Variants in CAMTA1 observed in about 807,000 individuals in gnomAD.
CAMTA1 encodes calmodulin binding transcription activator 1, also known as calmodulin-binding transcription activator 1.
In CAMTA1, 27 loss-of-function variants were observed where a neutral mutation model predicts 170.9. The ratio of observed to expected loss-of-function variants is 0.16; its 90% CI spans 0.12 to 0.22. The LOEUF is 0.22. Among genes scored for constraint, CAMTA1 ranks in the 10% least tolerant of loss-of-function variants. CAMTA1 has a pLI of 1.00. For synonymous variants in CAMTA1, 833 were observed against 891.5 expected, an observed-to-expected ratio of 0.93 and a Z score of 1.17; for missense variants, 1,619 against 2,217.2, an observed-to-expected ratio of 0.73 and a Z score of 5.42.
chr1:7,108,326 G>A (rs1224245141), intron 4 of CAMTA1, among the ~76,000 whole-genome samples: 16 of 152,156 alleles, frequency 1.1e-4, no homozygotes, highest in Non-Finnish European at 2.9e-5. Flanking sequence ...ATTGTTGTGA[G>A]GAGTACATGA....
intron 7 of CAMTA1, among the ~76,000 whole-genome samples, chr1:7,660,783 C>T (rs944017374): frequency 2.0e-5 from 3 of 152,212 alleles, no homozygotes; most frequent in East Asian, 3.9e-4. Context: ...ACCCTGTGCC[C>T]GGCTCCTCCG....
chr1:7,654,967 CCT>C (rs1469151864), intron 7 of CAMTA1, among the ~76,000 whole-genome samples: 1 of 149,806 alleles, frequency 6.7e-6, no homozygotes, highest in African/African-American at 2.5e-5. Context: ...AACACACCCA[CCT>C]ATACACACAC....
chr1:6,825,423 G>A (rs1282582304), intron 3 of CAMTA1, among the ~76,000 whole-genome samples: 1 of 152,146 alleles, frequency 6.6e-6, no homozygotes, highest in Admixed American at 6.5e-5. Flanking sequence ...GATACACAAT[G>A]TGCACGTTGA....
At chr1:6,999,292 T>G (rs1222060675) in intron 3 of CAMTA1, among the ~76,000 whole-genome samples, 2 of 152,208 alleles carry the variant, frequency 1.3e-5, no homozygotes, top group East Asian at 1.9e-4. Flanking sequence ...ACTGGGTAAT[T>G]TATAAAGAAA....
At chr1:6,877,209 G>A (rs1463101702) in intron 3 of CAMTA1, among the ~76,000 whole-genome samples, 1 of 152,194 alleles carries the variant, frequency 6.6e-6, no homozygotes, top group Non-Finnish European at 1.5e-5. Flanking sequence ...CCCCTCCCAT[G>A]GAAACAAATG....
At chr1:7,238,191 A>G (rs1664242774) in intron 4 of CAMTA1, among the ~76,000 whole-genome samples, 1 of 149,318 alleles carries the variant, frequency 6.7e-6, no homozygotes, top group South Asian at 2.1e-4. Context: ...ACATTTTGCT[A>G]TGGAAATACT....
At chr1:7,498,191 AGT>A (rs1553182530) in intron 6 of CAMTA1, among the ~76,000 whole-genome samples, 67 of 148,620 alleles carry the variant, frequency 4.5e-4, no homozygotes, top group East Asian at 1.0e-3. Context: ...TATGAGAGTG[AGT>A]GTGTGTGTGT....
At chr1:6,872,970 T>A (rs1243737157) in intron 3 of CAMTA1, among the ~76,000 whole-genome samples, 1 of 152,212 alleles carries the variant, frequency 6.6e-6, no homozygotes, top group African/African-American at 2.4e-5. Flanking sequence ...TGTCATTCAT[T>A]AGAACCACAA....
intron 5 of CAMTA1, among the ~76,000 whole-genome samples, chr1:7,404,634 G>A (rs747077980): frequency 9.9e-5 from 15 of 152,264 alleles, no homozygotes; most frequent in African/African-American, 2.4e-4. Flanking sequence ...GCAGGCCCAC[G>A]TCCGTCCCCT....
Position 7,325,400 on chromosome 1 carries a change from G to A in CAMTA1, c.438+75774G>A, listed in dbSNP as rs1574690552. Among the ~76,000 whole-genome samples the A allele has an allele frequency of 1.3e-5, 2 of 152,156 alleles. No individual in the cohort carries two copies. Among genetic ancestry groups the A allele is most frequent in the South Asian group, 4.2e-4 (2 of 4,816 alleles). On this transcript the variant is annotated intron_variant, in intron 5 of 22. Coordinates refer to ENST00000303635, the MANE Select transcript of CAMTA1 (RefSeq NM_015215.4). This position sits in a 1 kb window ranked among gnomAD's most constrained non-coding sequence, Gnocchi z 5.0. Reference sequence around the variant, plus strand: ...GGAAGAAGCCATGTCTGCCTGGGAGGGGAAACACTGAGGTGGAGGGACAGC... The same window carrying A: ...GGAAGAAGCCATGTCTGCCTGGGAGAGGAAACACTGAGGTGGAGGGACAGC...
chr1:6,825,282 T>A, intron 3 of CAMTA1, 72 bp downstream of exon 3: 4 of 696,566 alleles, frequency 5.7e-6, no homozygotes, highest in Non-Finnish European at 1.0e-5. Context: ...CACATAGTCC[T>A]ACTTTATGTT....
At chr1:7,436,451 G>A (rs2092350429) in intron 5 of CAMTA1, among the ~76,000 whole-genome samples, 1 of 152,188 alleles carries the variant, frequency 6.6e-6, no homozygotes, top group Admixed American at 6.5e-5. Flanking sequence ...GCACCTGGAG[G>A]GGTGCTCCCA....
intron 4 of CAMTA1, among the ~76,000 whole-genome samples, chr1:7,207,491 C>T (rs74051184): frequency 0.086 from 13,035 of 152,188 alleles, 1,639 homozygotes; most frequent in African/African-American, 0.28. Flanking sequence ...AATGTATATA[C>T]CACCTAAAAA....
At chr1:6,912,990 A>G (rs1571648448) in intron 3 of CAMTA1, among the ~76,000 whole-genome samples, 1 of 152,008 alleles carries the variant, frequency 6.6e-6, no homozygotes, top group East Asian at 1.9e-4. Context: ...CCTTGCCAGC[A>G]CCTCCCTGTT....
At chr1:7,395,883 T>C (rs1472684601) in intron 5 of CAMTA1, among the ~76,000 whole-genome samples, 3 of 152,198 alleles carry the variant, frequency 2.0e-5, no homozygotes, top group Non-Finnish European at 2.9e-5. Flanking sequence ...TAATTCACTA[T>C]TGGCATATAA....
At chr1:7,696,718 T>G (rs1217586093) in intron 11 of CAMTA1, among the ~76,000 whole-genome samples, 1 of 152,070 alleles carries the variant, frequency 6.6e-6, no homozygotes, top group African/African-American at 2.4e-5. Context: ...TCTGATGCTG[T>G]CTCAGACCTG....
intron 6 of CAMTA1, among the ~76,000 whole-genome samples, chr1:7,481,964 T>C (rs2093545371): frequency 6.6e-6 from 1 of 152,104 alleles, no homozygotes; most frequent in Admixed American, 6.6e-5. Context: ...AAAGTACCCA[T>C]GTGTCCCTTT....
chr1:7,690,900 C>T (rs1212826291), intron 11 of CAMTA1, among the ~76,000 whole-genome samples: 1 of 152,212 alleles, frequency 6.6e-6, no homozygotes, highest in African/African-American at 2.4e-5. Flanking sequence ...GGAGCTGCCT[C>T]CCAGGGCTAG....
At chr1:6,876,383 C>G (rs574712557) in intron 3 of CAMTA1, among the ~76,000 whole-genome samples, 1 of 149,120 alleles carries the variant, frequency 6.7e-6, no homozygotes, top group South Asian at 2.1e-4. Flanking sequence ...TTTTTTGAGA[C>G]GGAGTTTTGC....
Sources: gnomAD v4.1 joint callset for allele counts (sites outside exome capture counted in the v4.1 genomes callset) on GRCh38, gnomAD v4.1.1 for gene constraint, Gnocchi (gnomAD v3.1) non-coding constraint, MANE v1.5 for transcripts, NCBI Gene and HGNC (gene_info 2026-07-23, HGNC 2026-07-21) for gene names.